Variants in RNF38 observed in about 807,000 individuals in gnomAD.
RNF38 encodes the protein ring finger protein 38, also known as E3 ubiquitin-protein ligase RNF38.
Under a neutral mutation model 67.2 loss-of-function variants are expected in RNF38, and 15 were observed. The observed-to-expected ratio is 0.22, with a 90% confidence interval of 0.15 to 0.34. The LOEUF is 0.34. Ranked by LOEUF, RNF38 falls within the 10% of genes least tolerant of loss-of-function variation. RNF38 has a pLI of 1.00. For missense variants in RNF38, 524 were observed against 639.9 expected, an observed-to-expected ratio of 0.82 and a Z score of 1.95; for synonymous variants, 220 against 218.8, an observed-to-expected ratio of 1.01 and a Z score of -0.05.
upstream of RNF38, chr9:36,401,248 G>A (rs956146678): frequency 2.0e-6 from 2 of 982,592 alleles, no homozygotes; most frequent in Admixed American, 6.2e-5. Context: ...CGCACGACTC[G>A]GACCAGTTCC....
At chr9:36,441,101 G>A (rs1454491027) in intron 1 of RNF38, among the ~76,000 whole-genome samples, 1 of 152,086 alleles carries the variant, frequency 6.6e-6, no homozygotes, top group African/African-American at 2.4e-5. Context: ...GAGGGTGTTA[G>A]AAGAAAAGAT....
At chr9:36,459,011 C>G (rs1587176059) in intron 1 of RNF38, among the ~76,000 whole-genome samples, 1 of 152,134 alleles carries the variant, frequency 6.6e-6, no homozygotes, top group South Asian at 2.1e-4. Flanking sequence ...AGATTGAGAC[C>G]ATCCTGGCCA....
chr9:36,367,579 C>CT (rs141902483), intron 4 of RNF38, among the ~76,000 whole-genome samples: 8 of 151,672 alleles, frequency 5.3e-5, no homozygotes, highest in South Asian at 4.2e-4. Context: ...ATTCTTTTTT[C>CT]TTTTTTTTAA....
intron 6 of RNF38, among the ~76,000 whole-genome samples, chr9:36,355,600 T>C (rs1834041336): frequency 6.6e-6 from 1 of 152,150 alleles, no homozygotes; most frequent in East Asian, 1.9e-4. Context: ...ATTAATAATT[T>C]TATAATATTT....
At chr9:36,459,748 C>A (rs755506992) in intron 1 of RNF38, among the ~76,000 whole-genome samples, 19 of 151,996 alleles carry the variant, frequency 1.3e-4, no homozygotes, top group Non-Finnish European at 2.4e-4. Flanking sequence ...CAGAGACTTG[C>A]GGATTTTAGG....
intron 2 of RNF38, among the ~76,000 whole-genome samples, chr9:36,386,827 T>C (rs1369906006): frequency 2.6e-5 from 4 of 152,060 alleles, no homozygotes; most frequent in Admixed American, 2.0e-4. Flanking sequence ...TTTTGAGAGG[T>C]AGTCTTGCTC....
chr9:36,400,226 G>T lies in RNF38; in HGVS notation c.-118C>A. ...GAAAGGAAGAACTTGCATCCCCTGA[G>T]AACAAAACGCAGCCTATCCAGAAAC... On this transcript the variant is annotated 5_prime_UTR_variant, in exon 1 of 12. Transcript: ENST00000259605. The T allele has an allele frequency of 6.8e-7, 1 of 1,468,710 alleles. No individual in the cohort carries two copies. Among genetic ancestry groups the T allele is most frequent in the Non-Finnish European group, 9.0e-7 (1 of 1,109,484 alleles). 91.0% of individuals were successfully genotyped at this position (1,468,710 alleles called of 1,614,324 possible).
At chr9:36,345,388 A>T (rs1214619331) in intron 9 of RNF38, among the ~76,000 whole-genome samples, 1 of 152,204 alleles carries the variant, frequency 6.6e-6, no homozygotes, top group Admixed American at 6.5e-5. Flanking sequence ...GTGCATCTGT[A>T]AAACAAAGTT....
chr9:36,375,815 C>A (rs139721218), intron 3 of RNF38, 119 bp downstream of exon 3: 2 of 847,840 alleles, frequency 2.4e-6, no homozygotes, highest in Admixed American at 3.5e-5. Context: ...AGTGAATGTA[C>A]GTGTATATGT....
At chr9:36,383,313 T>G (rs940747469) in intron 2 of RNF38, among the ~76,000 whole-genome samples, 2 of 152,210 alleles carry the variant, frequency 1.3e-5, no homozygotes, top group Admixed American at 6.5e-5. Context: ...GCGATTCTCC[T>G]GCCTCAGTCT....
At chr9:36,416,185 GGAGGGA>G in intron 2 of RNF38, among the ~76,000 whole-genome samples, 1 of 148,816 alleles carries the variant, frequency 6.7e-6, no homozygotes, top group East Asian at 2.0e-4. Flanking sequence ...GCCACAGGGC[GGAGGGA>G]GGGGGAGGGG....
intron 2 of RNF38, among the ~76,000 whole-genome samples, chr9:36,412,265 G>A (rs1027121381): frequency 1.3e-5 from 2 of 151,992 alleles, no homozygotes; most frequent in African/African-American, 4.8e-5. Context: ...TCATCTTTCC[G>A]GCTTTAGGGA....
intron 2 of RNF38, among the ~76,000 whole-genome samples, chr9:36,423,885 C>A (rs1485392215): frequency 3.8e-5 from 1 of 26,202 alleles, no homozygotes; most frequent in Non-Finnish European, 1.0e-4. Context: ...GGAGACGGAG[C>A]TTGCAGTGAG....
intron 1 of RNF38, among the ~76,000 whole-genome samples, chr9:36,480,548 C>CTTTTTCT (rs1840229115): frequency 2.0e-5 from 2 of 100,822 alleles, no homozygotes; most frequent in African/African-American, 7.6e-5. Flanking sequence ...TTTTCTTTTT[C>CTTTTTCT]TTTTTTTTTT....
chr9:36,399,397 T>G (rs966384718), intron 1 of RNF38, among the ~76,000 whole-genome samples: 9 of 151,348 alleles, frequency 5.9e-5, no homozygotes, highest in Admixed American at 4.6e-4. Flanking sequence ...AAATAAGTCT[T>G]ACAGAAATAT....
Position 36,344,844 on chromosome 9 carries a change from G to T in RNF38, c.1373C>A (p.Ser458Ter). The change falls in exon 10 of 12, where the codon TCA becomes TAA. Residue 458 changes from serine to a stop codon, truncating the protein, a stop_gained. Coordinates refer to ENST00000259605, the MANE Select transcript of RNF38 (RefSeq NM_022781.5). LOFTEE classifies it high-confidence loss of function. ...SYRFNPNNHQ[S>*]EQTLCVVCMC... ...AAAATTTACTTACAAAGTCTGTTCT[G>T]ACTGGTGGTTGTTAGGATTGAACCG... 1 of 1,613,686 alleles carries T rather than the reference G, an allele frequency of 6.2e-7. No homozygotes were observed. Among genetic ancestry groups the T allele is most frequent in the South Asian group, 1.1e-5 (1 of 90,998 alleles).
At chr9:36,386,199 T>C (rs1836619084) in intron 2 of RNF38, among the ~76,000 whole-genome samples, 1 of 152,212 alleles carries the variant, frequency 6.6e-6, no homozygotes, top group African/African-American at 2.4e-5. Flanking sequence ...CAGAGGTCTC[T>C]GACAGAGCTA....
rs114517322 is a variant in RNF38, at chr9:36,387,683, G to A, written c.162+2784C>T. ...AAAAATGTTTAAAATATTGTATGAAGCACTTTAAGATTCTAATTTTAAATA... is the reference window on the plus strand; with the variant it reads ...AAAAATGTTTAAAATATTGTATGAAACACTTTAAGATTCTAATTTTAAATA... On this transcript the variant is annotated intron_variant, in intron 2 of 11. Transcript: ENST00000259605. Among the ~76,000 whole-genome samples the A allele has an allele frequency of 3.0e-3, 452 of 152,178 alleles. 3 individuals carry two copies. The highest frequency in any genetic ancestry group is 0.011 in the African/African-American group (436 of 41,514).
At chr9:36,440,627 G>A (rs942139703) in intron 1 of RNF38, among the ~76,000 whole-genome samples, 4 of 152,070 alleles carry the variant, frequency 2.6e-5, no homozygotes, top group Admixed American at 2.0e-4. Flanking sequence ...GCAAGTTGCA[G>A]AATAAATAAA....
Sources: gnomAD v4.1 joint callset for allele counts (sites outside exome capture counted in the v4.1 genomes callset) on GRCh38, gnomAD v4.1.1 for gene constraint, MANE v1.5 for transcripts, NCBI Gene and HGNC (gene_info 2026-07-23, HGNC 2026-07-21) for gene names.